Variants in GOSR1 observed in about 807,000 individuals in gnomAD.
GOSR1 encodes the protein 28 kDa Golgi SNARE protein.
GOSR1 carries 21 observed loss-of-function variants against 35.5 expected under a neutral mutation model. That is an observed-to-expected ratio of 0.59 (90% confidence interval 0.42 to 0.85). The LOEUF is 0.85. Among genes scored for constraint, GOSR1 ranks in the 40% least tolerant of loss-of-function variants. The pLI is 0.00. For synonymous variants in GOSR1, 94 were observed against 106.6 expected (o/e 0.88, Z 0.73); for missense variants, 285 against 309.6 (o/e 0.92, Z 0.60).
chr17:30,491,698 G>C (rs1350356788), intron 5 of GOSR1, among the ~76,000 whole-genome samples: 1 of 151,968 alleles, frequency 6.6e-6, no homozygotes, highest in Non-Finnish European at 1.5e-5. Flanking sequence ...GGTCCTGTAG[G>C]AGTTTAGAAT....
intron 2 of GOSR1, among the ~76,000 whole-genome samples, chr17:30,482,617 CCA>C (rs1914428875): frequency 6.6e-6 from 1 of 152,120 alleles, no homozygotes; most frequent in Non-Finnish European, 1.5e-5. Context: ...TCTCCAGAGC[CCA>C]CACTCTAAAC....
Position 30,522,502 on chromosome 17 carries a change from T to C in GOSR1, c.*124T>C. On this transcript the variant is annotated 3_prime_UTR_variant, in exon 9 of 9. Transcript: ENST00000451249. ...CTGACCAGCAGGATGAATGCAAGAC[T>C]GACAGTGATGGACTCTGTGACATGG... 1.5e-6 allele frequency: 1 copy of C among 659,344 alleles called. No individual in the cohort carries two copies. The allele number at this position is 659,344 out of a possible 1,614,324, so 40.8% of individuals were successfully genotyped here.
At chr17:30,494,325 A>G (rs1265162022) in intron 6 of GOSR1, among the ~76,000 whole-genome samples, 1 of 152,150 alleles carries the variant, frequency 6.6e-6, no homozygotes. Flanking sequence ...TTCTTTTGCT[A>G]TATGGTGGAT....
At chr17:30,520,138 T>A (rs1476430747) in intron 8 of GOSR1, 117 bp downstream of exon 8, 6 of 693,108 alleles carry the variant, frequency 8.7e-6, no homozygotes, top group Non-Finnish European at 1.3e-5. Flanking sequence ...CATCAGTAAT[T>A]GCATAATATG....
chr17:30,487,909 G>C (rs1914780419), intron 4 of GOSR1, among the ~76,000 whole-genome samples: 1 of 152,068 alleles, frequency 6.6e-6, no homozygotes, highest in South Asian at 2.1e-4. Context: ...CCGAGTAGCA[G>C]GAACTACAGG....
rs1026767531 is a variant in GOSR1, at chr17:30,493,302, A to G, written c.509+549A>G. On this transcript the variant is annotated intron_variant, in intron 6 of 8. Transcript: ENST00000451249. The stretch of plus-strand genomic sequence containing the variant: ...AGCCACCACCGCACCCGGCCAGTGC[A>G]TGTGCTAATTCTCTACAGAGAGAGA... Among the ~76,000 whole-genome samples the G allele has an allele frequency of 3.0e-4, 46 of 152,238 alleles. No homozygotes were observed. In the Middle Eastern group the frequency reaches 0.01, roughly 34 times the overall value.
intron 2 of GOSR1, 91 bp downstream of exon 2, chr17:30,481,348 G>A (rs1334819727): frequency 2.3e-6 from 2 of 867,472 alleles, no homozygotes; most frequent in African/African-American, 3.4e-5. Flanking sequence ...TCTGTAAGTT[G>A]GTCTATTGGT....
At chr17:30,509,001 G>A (rs1967515056) in intron 6 of GOSR1, among the ~76,000 whole-genome samples, 1 of 151,894 alleles carries the variant, frequency 6.6e-6, no homozygotes, top group African/African-American at 2.4e-5. Flanking sequence ...TCCTGAGACG[G>A]AGTCTAGCTT....
At chr17:30,484,100 T>A in intron 2 of GOSR1, 114 bp from the exon 3 acceptor site, 1 of 678,924 alleles carries the variant, frequency 1.5e-6, no homozygotes, top group South Asian at 1.7e-5. Context: ...ACAGACCCTA[T>A]ATAACATAAT....
chr17:30,496,881 CTG>C (rs979415898), intron 6 of GOSR1, among the ~76,000 whole-genome samples: 2 of 152,146 alleles, frequency 1.3e-5, no homozygotes, highest in Non-Finnish European at 2.9e-5. Flanking sequence ...CAGGCTGTGA[CTG>C]TTTTCATAGA....
Position 30,522,275 on chromosome 17 carries a change from G to T in GOSR1, c.644G>T (p.Ser215Ile), listed in dbSNP as rs748321221. The T allele has an allele frequency of 3.1e-6, 5 of 1,609,074 alleles. No homozygotes were observed. Among genetic ancestry groups the T allele is most frequent in the Non-Finnish European group, 4.2e-6 (5 of 1,177,528 alleles). Residue 215 changes from serine (S) to isoleucine (I), a missense_variant, in exon 9 of 9, where the codon AGC becomes ATC. By Grantham distance (142) the Ser-to-Ile change is moderately radical (BLOSUM62 -2). Around this residue, in one of 3 missense-constraint regions of GOSR1, gnomAD observed 168 missense variants for 183.2 expected, o/e 0.92. Transcript: ENST00000451249. ...AAAGATCGTTTTCCTGCTGTAAACA[G>T]CCTGATCCAGAGGATCAACCTGAGG... ...TLANRFPAVN[S>I]LIQRINLRKR...
intron 6 of GOSR1, among the ~76,000 whole-genome samples, chr17:30,500,722 T>C (rs1200720851): frequency 3.9e-5 from 6 of 152,170 alleles, no homozygotes; most frequent in Admixed American, 2.0e-4. Flanking sequence ...TCCTATGCAC[T>C]TCCATATAAA....
chr17:30,488,009 C>G (rs1328506111), intron 4 of GOSR1, among the ~76,000 whole-genome samples: 5 of 151,778 alleles, frequency 3.3e-5, no homozygotes, highest in Admixed American at 6.6e-5. Flanking sequence ...CTCCTGATGT[C>G]ATGATCCACC....
chr17:30,491,684 A>G (rs976554928), intron 5 of GOSR1, among the ~76,000 whole-genome samples: 1 of 151,952 alleles, frequency 6.6e-6, no homozygotes, highest in African/African-American at 2.4e-5. Context: ...GAAAAGACCA[A>G]TGTGGTCCTG....
At chr17:30,500,264 T>C (rs1343392953) in intron 6 of GOSR1, among the ~76,000 whole-genome samples, 1 of 152,184 alleles carries the variant, frequency 6.6e-6, no homozygotes, top group Admixed American at 6.5e-5. Context: ...AGGTTACAGA[T>C]TTTTTTCTTT....
At chr17:30,490,081 A>G (rs751530351) in intron 4 of GOSR1, 45 bp from the exon 5 acceptor site, 3 of 882,848 alleles carry the variant, frequency 3.4e-6, no homozygotes, top group Non-Finnish European at 5.8e-6. Flanking sequence ...TGAGATGAAA[A>G]TCCATAATTA....
chr17:30,498,764 C>A (rs984407342), intron 6 of GOSR1, among the ~76,000 whole-genome samples: 11 of 152,176 alleles, frequency 7.2e-5, no homozygotes, highest in Non-Finnish European at 1.3e-4. Context: ...GAAGAGGACA[C>A]ACTGGGCAAA....
chr17:30,481,463 A>G lies in GOSR1; in HGVS notation c.146+206A>G, dbSNP rs972298334. The G allele has an allele frequency of 5.3e-6, 2 of 377,616 alleles. 1 individual carries two copies. Among genetic ancestry groups the G allele is most frequent in the Non-Finnish European group, 9.8e-6 (2 of 203,834 alleles). The allele number at this position is 377,616 out of a possible 1,614,324, so 23.4% of individuals were successfully genotyped here. On this transcript the variant is annotated intron_variant, in intron 2 of 8. Coordinates refer to ENST00000451249, the MANE Select transcript of GOSR1 (RefSeq NM_001007025.2). ...AGCATTTATTTGGAATCCTTAGGCAAAGATTGTTACAGTGTCAGAAGAAAC... is the reference window on the plus strand; with the variant it reads ...AGCATTTATTTGGAATCCTTAGGCAGAGATTGTTACAGTGTCAGAAGAAAC...
Position 30,519,927 on chromosome 17 carries a change from T to C in GOSR1, c.540-12T>C. On this transcript the variant is annotated splice_polypyrimidine_tract_variant and intron_variant, in intron 7 of 8. Coordinates refer to ENST00000451249, the MANE Select transcript of GOSR1 (RefSeq NM_001007025.2). ...TTAAATGGTGATTTGTCATCTTTTT[T>C]TCCCCTTGCAGCATTGCTATGGCAA... 3.2e-6 allele frequency: 5 copies of C among 1,552,562 alleles called. No homozygotes were observed. The highest frequency in any genetic ancestry group is 1.7e-4 in the Middle Eastern group (1 of 5,924).
Sources: allele counts gnomAD v4.1 joint callset (sites outside exome capture counted in the v4.1 genomes callset), GRCh38; gene constraint gnomAD v4.1.1; regional missense constraint gnomAD v4.1.1; transcripts MANE v1.5; gene names NCBI Gene and HGNC (gene_info 2026-07-23, HGNC 2026-07-21).